The following DACH1 variants were observed in gnomAD, a reference collection of about 807,000 sequenced individuals.
DACH1 encodes dachshund homolog 1.
DACH1 carries 12 observed loss-of-function variants against 54.2 expected under a neutral mutation model. That is an observed-to-expected ratio of 0.22 (90% confidence interval 0.14 to 0.36). DACH1 has a LOEUF of 0.36. Among genes scored for constraint, DACH1 ranks in the 10% least tolerant of loss-of-function variants. The pLI is 1.00. For missense variants in DACH1, 805 were observed against 929.8 expected (o/e 0.87, Z 1.75); for synonymous variants, 386 against 366.2 (o/e 1.05, Z -0.62).
At chr13:71,507,542 A>G (rs1310221931) in intron 6 of DACH1, among the ~76,000 whole-genome samples, 1 of 152,202 alleles carries the variant, frequency 6.6e-6, no homozygotes, top group Non-Finnish European at 1.5e-5. Context: ...CTGGAAAATT[A>G]GACAAATTTG....
chr13:71,649,384 T>C (rs1878516567), intron 2 of DACH1, among the ~76,000 whole-genome samples: 1 of 152,130 alleles, frequency 6.6e-6, no homozygotes, highest in Non-Finnish European at 1.5e-5. Flanking sequence ...ATTTTAAAAT[T>C]GTGTAAAATT....
chr13:71,852,903 C>G (rs1873765512), intron 1 of DACH1, among the ~76,000 whole-genome samples: 1 of 152,170 alleles, frequency 6.6e-6, no homozygotes, highest in South Asian at 2.1e-4. Context: ...TTCAGCATAT[C>G]AATCCTAATT....
intron 1 of DACH1, among the ~76,000 whole-genome samples, chr13:71,734,133 ACCC>A (rs1318613790): frequency 6.7e-6 from 1 of 149,386 alleles, no homozygotes; most frequent in East Asian, 1.9e-4. Context: ...ATACATATAT[ACCC>A]CATATATATG....
chr13:71,546,352 G>C (rs1226924035), intron 6 of DACH1, among the ~76,000 whole-genome samples: 1 of 151,756 alleles, frequency 6.6e-6, no homozygotes, highest in East Asian at 1.9e-4. Context: ...TTTTTAACTT[G>C]TATCTTAAAG....
rs866456550 is a variant in DACH1 at position 71,639,280 on chromosome 13, T to C, written c.965-8563A>G. Among the ~76,000 whole-genome samples, 16 of 152,274 alleles carry C rather than the reference T, an allele frequency of 1.1e-4. 1 individual carries two copies. In the Middle Eastern group the frequency reaches 0.01, roughly 97 times the overall value. ...TTGAATGATTAAATAACCAGAATGA[T>C]AAGCAGATAGAACAAAAAACTTAAT... On this transcript the variant is annotated intron_variant, in intron 2 of 10. Coordinates refer to ENST00000613252, the MANE Select transcript of DACH1 (RefSeq NM_080759.6).
chr13:71,737,623 G>T (rs1443571899), intron 1 of DACH1, among the ~76,000 whole-genome samples: 1 of 152,140 alleles, frequency 6.6e-6, no homozygotes, highest in Non-Finnish European at 1.5e-5. Flanking sequence ...AAGGTTTTTG[G>T]AGGAGAGGGT....
At chr13:71,611,037 A>G (rs1312275184) in intron 3 of DACH1, among the ~76,000 whole-genome samples, 1 of 152,202 alleles carries the variant, frequency 6.6e-6, no homozygotes, top group Non-Finnish European at 1.5e-5. Context: ...TTATGATGCA[A>G]TGATCTCGTT....
At chr13:71,818,583 G>A (rs992314292) in intron 1 of DACH1, among the ~76,000 whole-genome samples, 21 of 152,282 alleles carry the variant, frequency 1.4e-4, no homozygotes, top group African/African-American at 4.8e-4. Context: ...ATCATAACTT[G>A]CCTCTTCAAG....
chr13:71,860,456 CTTT>C (rs35326383), intron 1 of DACH1, among the ~76,000 whole-genome samples: 4 of 136,122 alleles, frequency 2.9e-5, no homozygotes, highest in Admixed American at 7.3e-5. Context: ...CTTAATGTGA[CTTT>C]TTTTTTTTTT....
At chr13:71,708,741 T>C (rs980536135) in intron 1 of DACH1, among the ~76,000 whole-genome samples, 2 of 152,108 alleles carry the variant, frequency 1.3e-5, no homozygotes, top group Admixed American at 6.5e-5. Context: ...CTTCCAAGTA[T>C]TGTTTGTTAC....
At chr13:71,712,218 T>C (rs1252936650) in intron 1 of DACH1, among the ~76,000 whole-genome samples, 1 of 152,130 alleles carries the variant, frequency 6.6e-6, no homozygotes, top group African/African-American at 2.4e-5. Context: ...ATATATATTC[T>C]TAAATCATAT....
At chr13:71,685,519 CA>C (rs964891006) in intron 1 of DACH1, among the ~76,000 whole-genome samples, 6 of 152,106 alleles carry the variant, frequency 3.9e-5, no homozygotes, top group African/African-American at 1.4e-4. Flanking sequence ...GAGTTATTCC[CA>C]ACTTCTTGGC....
intron 2 of DACH1, among the ~76,000 whole-genome samples, chr13:71,637,153 A>T (rs980394882): frequency 2.0e-5 from 3 of 152,106 alleles, no homozygotes; most frequent in Non-Finnish European, 2.9e-5. Flanking sequence ...ACTTTGGACA[A>T]GATGCATCTA....
intron 1 of DACH1, among the ~76,000 whole-genome samples, chr13:71,738,786 G>GA (rs59793953): frequency 0.12 from 10,703 of 88,328 alleles, 1,062 homozygotes; most frequent in East Asian, 0.38. Flanking sequence ...AAATGCTCAA[G>GA]AAAAAAAAAC....
chr13:71,858,892 C>CCTCT lies in DACH1; in HGVS notation c.848+7026_848+7029dup, dbSNP rs151258252. ...CACTCTCTCTCTCTGCCTCTCTCTG[C>CCTCT]CTCTCTCTCTCTCTCTCTCTCTCTG... On this transcript the variant is annotated intron_variant, in intron 1 of 10. Transcript: ENST00000613252. Among the ~76,000 whole-genome samples, 575 of 142,234 alleles carry CCTCT rather than the reference C, an allele frequency of 4.0e-3. 3 individuals are homozygous for CCTCT. The highest frequency in any genetic ancestry group is 0.016 in the East Asian group (78 of 4,968). 93.3% of individuals were successfully genotyped at this position (142,234 alleles called of 152,430 possible).
chr13:71,821,861 G>A (rs1412220639), intron 1 of DACH1, among the ~76,000 whole-genome samples: 1 of 151,942 alleles, frequency 6.6e-6, no homozygotes, highest in Non-Finnish European at 1.5e-5. Flanking sequence ...AAAAGATCGA[G>A]ACCATCCTGG....
chr13:71,594,820 C>A (rs1873978769), intron 3 of DACH1, among the ~76,000 whole-genome samples: 1 of 152,052 alleles, frequency 6.6e-6, no homozygotes, highest in Non-Finnish European at 1.5e-5. Flanking sequence ...TCTCTTAATT[C>A]ATTCTTTCAA....
intron 1 of DACH1, among the ~76,000 whole-genome samples, chr13:71,817,910 G>A (rs749309073): frequency 2.7e-5 from 4 of 149,468 alleles, no homozygotes; most frequent in Admixed American, 6.7e-5. Flanking sequence ...TGCCTCCCAG[G>A]TTCAAGTGAT....
intron 1 of DACH1, among the ~76,000 whole-genome samples, chr13:71,729,412 T>A (rs1193868001): frequency 6.6e-6 from 1 of 152,022 alleles, no homozygotes; most frequent in Admixed American, 6.5e-5. Context: ...ACCACTCCTC[T>A]TTAGGAAAAG....
Sources: gnomAD v4.1 joint callset for allele counts (sites outside exome capture counted in the v4.1 genomes callset) on GRCh38, gnomAD v4.1.1 for gene constraint, MANE v1.5 for transcripts, NCBI Gene and HGNC (gene_info 2026-07-23, HGNC 2026-07-21) for gene names.